APOB: variants seen among roughly 807,000 people sequenced by gnomAD.
APOB encodes apolipoprotein B.
In APOB, 153 loss-of-function variants were observed where a neutral mutation model predicts 314.1. The ratio of observed to expected loss-of-function variants is 0.49; its 90% CI spans 0.43 to 0.56. The LOEUF (loss-of-function observed/expected upper bound fraction) is 0.56. Among genes scored for constraint, APOB ranks in the 20% least tolerant of loss-of-function variants. The pLI is 0.00. For synonymous variants in APOB, 2,087 were observed against 2,036.4 expected, an observed-to-expected ratio of 1.02 and a Z score of -0.67; for missense variants, 5,430 against 5,350.7, an observed-to-expected ratio of 1.01 and a Z score of -0.46.
In APOB at chr2:21,002,887, T is replaced by A; in HGVS notation, c.12535A>T (p.Thr4179Ser). The change falls in exon 29 of 29, where the codon ACT becomes TCT. Residue 4179 changes from threonine to serine, a missense_variant. Thr to Ser is a moderately conservative substitution (Grantham distance 58). This residue lies in a region of APOB where 3,281 missense variants were observed against 3,171.0 expected (regional missense o/e 1.03). Coordinates refer to ENST00000233242, the MANE Select transcript of APOB (RefSeq NM_000384.3). ...TTGACTTTCATATGGAATTCTTGAGTAACTCGTACCAAGCCATCAAACACG... is the reference window on the plus strand; with the variant it reads ...TTGACTTTCATATGGAATTCTTGAGAAACTCGTACCAAGCCATCAAACACG... Reference protein sequence around the residue: ...DNVFDGLVRVTQEFHMKVKHL... With the variant: ...DNVFDGLVRVSQEFHMKVKHL... The A allele has an allele frequency of 6.2e-7, 1 of 1,613,668 alleles. No homozygotes were observed. Among genetic ancestry groups the A allele is most frequent in the Non-Finnish European group, 8.5e-7 (1 of 1,179,860 alleles).
chr2:21,010,187 A>T lies in APOB; in HGVS notation c.6681T>A (p.His2227Gln). The T allele has an allele frequency of 6.3e-7, 1 of 1,596,722 alleles. No individual in the cohort carries two copies. Among genetic ancestry groups the T allele is most frequent in the Non-Finnish European group, 8.6e-7 (1 of 1,168,116 alleles). ...HIRVNLVKTI[H>Q]DLHLFIENID... The stretch of plus-strand genomic sequence containing the variant: ...TATTTTCAATAAACAAATGTAGATC[A>T]TGGATTGTTTTTACTAAATTTACAC... Residue 2227 changes from histidine (H) to glutamine (Q), a missense_variant, in exon 26 of 29, where the codon CAT (histidine) becomes CAA (glutamine). Coordinates refer to ENST00000233242, the MANE Select transcript of APOB (RefSeq NM_000384.3).
rs758442604 is a variant in APOB at position 21,010,114 on chromosome 2, C to T, written c.6754G>A (p.Val2252Met). ...GSSTASWIQN[V>M]DTKYQIRIQI... ...ATTCTGATTTGGTACTTAGTATCCA[C>T]ATTTTGAATCCAGGATGCAGTACTA... The change falls in exon 26 of 29, where the codon GTG (valine) becomes ATG (methionine). Residue 2252 changes from valine (V) to methionine (M), a missense_variant. Physicochemically the swap from Val to Met is conservative, Grantham distance 21. Transcript: ENST00000233242. 5.0e-6 allele frequency: 8 copies of T among 1,612,330 alleles called. No homozygotes were observed. Among genetic ancestry groups the T allele is most frequent in the Non-Finnish European group, 6.8e-6 (8 of 1,179,336 alleles).
rs756425916 is a variant in APOB at position 21,023,698 on chromosome 2, G to C, written c.2437-6C>G. On this transcript the variant is annotated splice_polypyrimidine_tract_variant and splice_region_variant and intron_variant, in intron 16 of 28. Coordinates refer to ENST00000233242, the MANE Select transcript of APOB (RefSeq NM_000384.3). ...TTCCTGATGACCTCTCCAATCTGTA[G>C]ACCCAACAAGGGAGAGCAAATAAAA... 2.5e-6 allele frequency: 4 copies of C among 1,603,580 alleles called. No individual in the cohort carries two copies. The South Asian group carries it at 4.4e-5, about 18-fold the overall frequency.
At position 21,008,450 on chromosome 2, in the gene APOB, A is replaced by C; in HGVS notation, c.8418T>G (p.Phe2806Leu). The change falls in exon 26 of 29, where the codon TTT (phenylalanine) becomes TTG (leucine). Residue 2806 changes from phenylalanine (F) to leucine (L), a missense_variant. Transcript: ENST00000233242. ...KGESKLEVLNFDFQANAQLSN... is the reference protein window; with the variant it reads ...KGESKLEVLNLDFQANAQLSN... ...AGAGTTGTGCATTTGCTTGAAAATCAAAATTGAGAACTTCTAATTTGGACT... is the reference window on the plus strand; with the variant it reads ...AGAGTTGTGCATTTGCTTGAAAATCCAAATTGAGAACTTCTAATTTGGACT... 1 of 1,614,128 alleles carries C rather than the reference A, an allele frequency of 6.2e-7. No individual in the cohort carries two copies. The highest frequency in any genetic ancestry group is 8.5e-7 in the Non-Finnish European group (1 of 1,179,982).
chr2:21,006,105 G>A lies in APOB; in HGVS notation c.10763C>T (p.Thr3588Ile), dbSNP rs147770415. Residue 3588 changes from threonine (T) to isoleucine (I), a missense_variant, in exon 26 of 29, where the codon ACC becomes ATC. Physicochemically the swap from Thr to Ile is moderately conservative, Grantham distance 89. This residue lies in a region of APOB where 3,281 missense variants were observed against 3,171.0 expected (regional missense o/e 1.03). Transcript: ENST00000233242. ...CATTTGCCATGGAGAGAGTTCCAGG[G>A]TGGCTTTGCTTGTATGTTCTCCGTT... is the stretch of plus-strand genomic sequence containing the variant. ...FTNGEHTSKA[T>I]LELSPWQMSA... 2 of 1,614,014 alleles carry A rather than the reference G, an allele frequency of 1.2e-6. No homozygotes were observed. Among genetic ancestry groups the A allele is most frequent in the Admixed American group, 1.7e-5 (1 of 59,976 alleles).
rs1206053877 is a variant in APOB, at chr2:21,011,520, G to A, written c.5348C>T (p.Thr1783Ile). Reference protein sequence around the residue: ...IYSSDKFYKQTVNLQLQPYSL... With the variant: ...IYSSDKFYKQIVNLQLQPYSL... ...ATAGGGCTGTAGCTGTAAATTAACA[G>A]TTTGCTTATAAAACTTGTCAGAGCT... is the stretch of plus-strand genomic sequence containing the variant. The change falls in exon 26 of 29, where the codon ACT becomes ATT. Residue 1783 changes from threonine to isoleucine, a missense_variant. By Grantham distance (89) the Thr-to-Ile change is moderately conservative. This residue lies in a region of APOB where 64 missense variants were observed against 99.9 expected (regional missense o/e 0.64). Transcript: ENST00000233242. The A allele has an allele frequency of 2.5e-6, 4 of 1,614,132 alleles. No homozygotes were observed. The South Asian group carries it at 4.4e-5, about 18-fold the overall frequency.
At chr2:21,013,649 CT>C in intron 24 of APOB, 116 bp from the exon 25 acceptor site, 1 of 1,455,490 alleles carries the variant, frequency 6.9e-7, no homozygotes, top group Non-Finnish European at 9.6e-7. Context: ...CCACTCTGCA[CT>C]TTTCTTTGTG....
intron 21 of APOB, among the ~76,000 whole-genome samples, chr2:21,015,873 C>T (rs779931114): frequency 1.4e-4 from 21 of 152,172 alleles, no homozygotes; most frequent in African/African-American, 4.8e-4. Context: ...ACAGTGACCT[C>T]GCAGTTTATT....
chr2:21,027,003 T>G (rs1461111404), intron 14 of APOB, 39 bp from the exon 15 acceptor site: 6 of 1,606,560 alleles, frequency 3.7e-6, no homozygotes, highest in Non-Finnish European at 5.1e-6. Flanking sequence ...GCATCAGGTT[T>G]CTTTGTTGTA....
Position 21,010,007 on chromosome 2 carries a change from T to G in APOB, c.6861A>C (p.Gln2287His). Reference protein sequence around the residue: ...DIQHLAGKLKQHIEAIDVRVL... With the variant: ...DIQHLAGKLKHHIEAIDVRVL... ...CTCTAACATCAATAGCCTCAATGTG[T>G]TGTTTTAACTTTCCAGCTAGGTGCT... Residue 2287 changes from glutamine to histidine, a missense_variant, in exon 26 of 29, where the codon CAA (glutamine) becomes CAC (histidine). Physicochemically the swap from Gln to His is conservative, Grantham distance 24. Around this residue, in one of 3 missense-constraint regions of APOB, gnomAD observed 3,281 missense variants for 3,171.0 expected, o/e 1.03. Coordinates refer to ENST00000233242, the MANE Select transcript of APOB (RefSeq NM_000384.3). 6.2e-7 allele frequency: 1 copy of G among 1,613,772 alleles called. No homozygotes were observed. The highest frequency in any genetic ancestry group is 8.5e-7 in the Non-Finnish European group (1 of 1,179,926).
At chr2:21,026,259 T>C in intron 15 of APOB, among the ~76,000 whole-genome samples, 1 of 152,022 alleles carries the variant, frequency 6.6e-6, no homozygotes, top group Non-Finnish European at 1.5e-5. Flanking sequence ...ATACTTTTTT[T>C]TTTTTTAAGA....
chr2:21,037,311 A>G (rs1248117421), intron 5 of APOB, 56 bp from the exon 6 acceptor site: 1 of 1,563,316 alleles, frequency 6.4e-7, no homozygotes, highest in Non-Finnish European at 8.8e-7. Context: ...ATCCTTGGGT[A>G]CTTGGGAGGG....
In APOB at chr2:21,016,571, G is replaced by A. The variant is rs146133928; in HGVS notation, c.3200C>T (p.Pro1067Leu). ...TGTTCCGAGGTCAACATCAAAATCC[G>A]GAATTTGGACTTCACTGGACAAGGT... ...SMTLSSEVQIPDFDVDLGTIL... is the reference protein window; with the variant it reads ...SMTLSSEVQILDFDVDLGTIL... The change falls in exon 21 of 29, where the codon CCG (proline) becomes CTG (leucine). Residue 1067 changes from proline to leucine, a missense_variant. Pro to Leu is a moderately conservative substitution (Grantham distance 98). This residue lies in a region of APOB where 2,085 missense variants were observed against 2,079.7 expected (regional missense o/e 1.00). Coordinates refer to ENST00000233242, the MANE Select transcript of APOB (RefSeq NM_000384.3). The A allele has an allele frequency of 1.6e-4, 258 of 1,611,266 alleles. No individual in the cohort carries two copies. Among genetic ancestry groups the A allele is most frequent in the Admixed American group, 2.3e-4 (14 of 60,000 alleles).
Position 21,002,631 on chromosome 2 carries a change from T to C in APOB, c.12791A>G (p.Asp4264Gly). Reference sequence around the variant, plus strand: ...CAGTTCCCTATACATCGAGATTACATCTATTAGTTTATGTTTCCTTAACTC... The same window carrying C: ...CAGTTCCCTATACATCGAGATTACACCTATTAGTTTATGTTTCCTTAACTC... ...PFELRKHKLI[D>G]VISMYRELLK... Residue 4264 changes from aspartate (D) to glycine (G), a missense_variant, in exon 29 of 29, where the codon GAT becomes GGT. Asp to Gly is a moderately conservative substitution (Grantham distance 94). Around this residue, in one of 3 missense-constraint regions of APOB, gnomAD observed 3,281 missense variants for 3,171.0 expected, o/e 1.03. Coordinates refer to ENST00000233242, the MANE Select transcript of APOB (RefSeq NM_000384.3). 1 of 1,613,960 alleles carries C rather than the reference T, an allele frequency of 6.2e-7. No homozygotes were observed. The highest frequency in any genetic ancestry group is 8.5e-7 in the Non-Finnish European group (1 of 1,179,908).
chr2:21,011,985 G>A lies in APOB; in HGVS notation c.4883C>T (p.Ala1628Val). ...AATTTTGTCAGTGCCTAAGATGTCAGCATTTAACTCAAGACCATGGGAATT... is the reference window on the plus strand; with the variant it reads ...AATTTTGTCAGTGCCTAAGATGTCAACATTTAACTCAAGACCATGGGAATT... ...SLNSHGLELN[A>V]DILGTDKINS... Residue 1628 changes from alanine (A) to valine (V), a missense_variant, in exon 26 of 29, where the codon GCT (alanine) becomes GTT (valine). Physicochemically the swap from Ala to Val is moderately conservative, Grantham distance 64. This residue lies in a region of APOB where 2,085 missense variants were observed against 2,079.7 expected (regional missense o/e 1.00). Coordinates refer to ENST00000233242, the MANE Select transcript of APOB (RefSeq NM_000384.3). The A allele has an allele frequency of 6.2e-7, 1 of 1,614,134 alleles. No individual in the cohort carries two copies. Among genetic ancestry groups the A allele is most frequent in the Admixed American group, 1.7e-5 (1 of 60,026 alleles).
intron 21 of APOB, 49 bp from the exon 22 acceptor site, chr2:21,015,594 G>A (rs780364781): frequency 6.3e-7 from 1 of 1,582,088 alleles, no homozygotes; most frequent in African/African-American, 1.3e-5. Context: ...CCTTTCAATG[G>A]AGATATGCAG....
rs1664209953 is a variant in APOB at position 21,044,071 on chromosome 2, A to T, written c.-126T>A. The T allele has an allele frequency of 5.1e-6, 2 of 392,078 alleles. No homozygotes were observed. Among genetic ancestry groups the T allele is most frequent in the African/African-American group, 4.3e-5 (2 of 46,782 alleles). The allele number at this position is 392,078 out of a possible 1,614,324, so 24.3% of individuals were successfully genotyped here. On this transcript the variant is annotated 5_prime_UTR_variant, in exon 1 of 29. Transcript: ENST00000233242. ...ACTCAGCCCCGCAGGTCCCGGTGGGAATGCGCGGCCGGCGCCCGCACCCCA... is the reference window on the plus strand; with the variant it reads ...ACTCAGCCCCGCAGGTCCCGGTGGGTATGCGCGGCCGGCGCCCGCACCCCA...
Position 21,006,532 on chromosome 2 carries a change from C to T in APOB, c.10336G>A (p.Gly3446Arg), listed in dbSNP as rs1663143450. The change falls in exon 26 of 29, where the codon GGA becomes AGA. Residue 3446 changes from glycine to arginine, a missense_variant. By Grantham distance (125) the Gly-to-Arg change is moderately radical. Around this residue, in one of 3 missense-constraint regions of APOB, gnomAD observed 3,281 missense variants for 3,171.0 expected, o/e 1.03. Coordinates refer to ENST00000233242, the MANE Select transcript of APOB (RefSeq NM_000384.3). ...ACAGTAGGTTTTGACTTGGTATTTC[C>T]ATTAAGTTCTTGCTTGAAATTCATT... ...LRMNFKQELN[G>R]NTKSKPTVSS... is the part of the protein sequence containing the mutation. 6.2e-7 allele frequency: 1 copy of T among 1,613,944 alleles called. No individual in the cohort carries two copies. Among genetic ancestry groups the T allele is most frequent in the African/African-American group, 1.3e-5 (1 of 74,904 alleles).
chr2:21,037,994 G>A lies in APOB; in HGVS notation c.501C>T (p.Pro167=), dbSNP rs1558576038. ...CTTGCTTGGCTTCTTCTGTCTCTGGGGGAACCAGGAGGGCAGAAATGATGC... is the reference window on the plus strand; with the variant it reads ...CTTGCTTGGCTTCTTCTGTCTCTGGAGGAACCAGGAGGGCAGAAATGATGC... ...KRGIISALLV[P]PETEEAKQVL... The change falls in exon 5 of 29, where the codon CCC becomes CCT. Residue 167 remains proline, a synonymous_variant. Transcript: ENST00000233242. 1.2e-6 allele frequency: 2 copies of A among 1,614,160 alleles called. No homozygotes were observed. The highest frequency in any genetic ancestry group is 1.1e-5 in the South Asian group (1 of 91,076).
Sources: gnomAD v4.1 joint callset for allele counts (sites outside exome capture counted in the v4.1 genomes callset) on GRCh38, gnomAD v4.1.1 for gene constraint, gnomAD v4.1.1 regional missense constraint, MANE v1.5 for transcripts, NCBI Gene and HGNC (gene_info 2026-07-23, HGNC 2026-07-21) for gene names.